The following PHF21A variants were observed in gnomAD, a reference collection of about 807,000 sequenced individuals.
PHF21A encodes PHD finger protein 21A.
A neutral mutation model predicts 82.5 loss-of-function variants in PHF21A; 11 were observed. That is an observed-to-expected ratio of 0.13 (90% CI 0.08 to 0.22). The LOEUF is 0.22. Among genes scored for constraint, PHF21A ranks in the 10% least tolerant of loss-of-function variants. PHF21A has a pLI of 1.00. For missense variants in PHF21A, 579 were observed against 837.8 expected (o/e 0.69, Z 3.81); for synonymous variants, 297 against 302.8 (o/e 0.98, Z 0.20).
intron 1 of PHF21A, among the ~76,000 whole-genome samples, chr11:46,109,935 G>A (rs1401466402): frequency 6.6e-6 from 1 of 151,018 alleles, no homozygotes; most frequent in African/African-American, 2.4e-5. Flanking sequence ...GAGCTGAGAT[G>A]GCCCCCCTGC....
intron 6 of PHF21A, among the ~76,000 whole-genome samples, chr11:46,011,794 T>C (rs1247578332): frequency 6.6e-6 from 1 of 152,244 alleles, no homozygotes; most frequent in Non-Finnish European, 1.5e-5. Context: ...ATTTACTGCT[T>C]GATTGCAAAG....
chr11:46,079,248 G>T, intron 4 of PHF21A, 82 bp from the exon 5 acceptor site: 8 of 959,048 alleles, frequency 8.3e-6, no homozygotes, highest in Non-Finnish European at 1.3e-5. Context: ...AAAAAATCTA[G>T]GATTTTAAGT....
rs540350430 is a variant in PHF21A at position 45,964,460 on chromosome 11, G to C, written c.996+855C>G. Among the ~76,000 whole-genome samples the C allele has an allele frequency of 2.0e-5, 3 of 152,166 alleles. No individual in the cohort carries two copies. In the South Asian group the frequency reaches 6.2e-4, roughly 32 times the overall value. On this transcript the variant is annotated intron_variant, in intron 10 of 18. Transcript: ENST00000676320. ...CAGGCAGCATCTGAACAGCCTCTCT[G>C]AATCATGGTCCATCCAGAAGCAGAA...
intron 6 of PHF21A, among the ~76,000 whole-genome samples, chr11:46,036,606 C>T (rs1027991155): frequency 1.3e-5 from 2 of 152,156 alleles, no homozygotes; most frequent in Admixed American, 6.5e-5. Context: ...AGTAAAGGTA[C>T]AGGTATACAT....
chr11:45,945,023 A>C (rs1307422731), intron 15 of PHF21A, among the ~76,000 whole-genome samples: 1 of 152,172 alleles, frequency 6.6e-6, no homozygotes, highest in African/African-American at 2.4e-5. Context: ...TCGGCCTCCC[A>C]AAGTGTTGGG....
chr11:46,001,892 A>C (rs1285039963), intron 6 of PHF21A, among the ~76,000 whole-genome samples: 2 of 152,214 alleles, frequency 1.3e-5, no homozygotes, highest in Admixed American at 1.3e-4. Context: ...GATACTTACA[A>C]ATGTTCAATT....
chr11:46,021,329 T>C (rs938924278), intron 6 of PHF21A, among the ~76,000 whole-genome samples: 1 of 152,016 alleles, frequency 6.6e-6, no homozygotes, highest in Non-Finnish European at 1.5e-5. Context: ...TCCAAAGTGC[T>C]GGGATTACAG....
At chr11:46,057,293 G>A (rs1156632868) in intron 6 of PHF21A, among the ~76,000 whole-genome samples, 1 of 152,120 alleles carries the variant, frequency 6.6e-6, no homozygotes, top group Non-Finnish European at 1.5e-5. Flanking sequence ...AGTTTTATGG[G>A]AGAGAGTTTC....
rs75788838 is a variant in PHF21A at position 46,025,829 on chromosome 11, T to C, written c.154-45863A>G. 7.0e-3 allele frequency among the ~76,000 whole-genome samples: 1,071 copies of C among 152,316 alleles called. 10 individuals are homozygous for C. Among genetic ancestry groups the C allele is most frequent in the African/African-American group, 0.024 (1,018 of 41,556 alleles). On this transcript the variant is annotated intron_variant, in intron 6 of 18. Transcript: ENST00000676320. ...CATAAGACAGAGTCATCGGCAGATA[T>C]GTGATGGAGCAAGTATAGGTGATGG...
At chr11:46,096,623 C>T (rs543657008) in intron 1 of PHF21A, among the ~76,000 whole-genome samples, 39 of 152,258 alleles carry the variant, frequency 2.6e-4, no homozygotes, top group African/African-American at 8.9e-4. Flanking sequence ...AACTCTCTGG[C>T]TACTCTCTTT....
intron 6 of PHF21A, among the ~76,000 whole-genome samples, chr11:46,034,951 T>C (rs996886438): frequency 6.6e-6 from 1 of 152,202 alleles, no homozygotes; most frequent in Non-Finnish European, 1.5e-5. Context: ...AAAGGCTACA[T>C]TCTCTGCCAC....
chr11:45,952,644 C>A (rs1235766481), intron 11 of PHF21A, among the ~76,000 whole-genome samples: 2 of 152,172 alleles, frequency 1.3e-5, no homozygotes, highest in Admixed American at 6.5e-5. Context: ...CATTTCATAT[C>A]AGAAAGAATT....
chr11:46,019,435 A>T (rs1285762050), intron 6 of PHF21A, among the ~76,000 whole-genome samples: 2 of 152,182 alleles, frequency 1.3e-5, no homozygotes, highest in African/African-American at 4.8e-5. Context: ...ACTAAGTGGG[A>T]ATGAACCAGG....
intron 14 of PHF21A, 195 bp from the exon 15 acceptor site, chr11:45,946,198 A>G (rs1319204291): frequency 4.1e-6 from 5 of 1,216,072 alleles, no homozygotes; most frequent in Non-Finnish European, 6.0e-6. Context: ...AGAAACAACT[A>G]TATGACTCTC....
At chr11:46,111,347 G>T (rs2097212153) in intron 1 of PHF21A, among the ~76,000 whole-genome samples, 1 of 151,786 alleles carries the variant, frequency 6.6e-6, no homozygotes, top group Admixed American at 6.6e-5. Context: ...GTGCATGCCT[G>T]TAATTCCAGC....
chr11:46,042,346 C>T (rs1459787315), intron 6 of PHF21A, among the ~76,000 whole-genome samples: 1 of 151,990 alleles, frequency 6.6e-6, no homozygotes, highest in African/African-American at 2.4e-5. Flanking sequence ...GACGGTAAAC[C>T]AGAAGATCCT....
intron 6 of PHF21A, among the ~76,000 whole-genome samples, chr11:45,983,079 G>A (rs2094361988): frequency 6.6e-6 from 1 of 152,156 alleles, no homozygotes; most frequent in Non-Finnish European, 1.5e-5. Flanking sequence ...GGGAAAGCAG[G>A]AGCAAGGGAT....
intron 10 of PHF21A, among the ~76,000 whole-genome samples, chr11:45,960,592 ATGT>A (rs909708398): frequency 1.2e-4 from 18 of 152,222 alleles, no homozygotes; most frequent in Admixed American, 9.8e-4. Flanking sequence ...GGTAATGAAA[ATGT>A]TGTGTAACTT....
In PHF21A at chr11:45,933,732, C is replaced by A. The variant is rs2088025535; in HGVS notation, c.*236G>T. On this transcript the variant is annotated 3_prime_UTR_variant, in exon 19 of 19. Transcript: ENST00000676320. Reference sequence around the variant, plus strand: ...CACTTGGCATGGTGCTGGCAAAGAACCTCCAGCTGGCACTATTTCATGTAA... The same window carrying A: ...CACTTGGCATGGTGCTGGCAAAGAAACTCCAGCTGGCACTATTTCATGTAA... 7.4e-6 allele frequency: 3 copies of A among 405,828 alleles called. No homozygotes were observed. The highest frequency in any genetic ancestry group is 3.7e-5 in the East Asian group (1 of 26,880). The allele number at this position is 405,828 out of a possible 1,614,324, so 25.1% of individuals were successfully genotyped here. A position where few individuals can be genotyped will look rare whatever the true frequency, so the allele number is the denominator to read the frequency against.
Sources: allele counts gnomAD v4.1 joint callset (sites outside exome capture counted in the v4.1 genomes callset), GRCh38; gene constraint gnomAD v4.1.1; transcripts MANE v1.5; gene names NCBI Gene and HGNC (gene_info 2026-07-23, HGNC 2026-07-21).